Variants in RBM20 observed in about 807,000 individuals in gnomAD.
The protein encoded by RBM20 is RNA-binding protein 20.
Under a neutral mutation model 110.1 loss-of-function variants are expected in RBM20, and 51 were observed. That is an observed-to-expected ratio of 0.46 (90% CI 0.37 to 0.59). RBM20 has a LOEUF of 0.59. RBM20 is among the 20% of genes least tolerant of loss of function. RBM20 has a pLI of 0.00. For synonymous variants in RBM20, 589 were observed against 618.2 expected (o/e 0.95, Z 0.70); for missense variants, 1,512 against 1,574.9 (o/e 0.96, Z 0.68).
chr10:110,663,729 C>A (rs1420969902), intron 1 of RBM20, among the ~76,000 whole-genome samples: 2 of 152,202 alleles, frequency 1.3e-5, no homozygotes, highest in African/African-American at 4.8e-5. Context: ...GGTTTAACCA[C>A]ACAATTATTT....
intron 1 of RBM20, among the ~76,000 whole-genome samples, chr10:110,762,714 C>G (rs1844022570): frequency 6.6e-6 from 1 of 152,222 alleles, no homozygotes; most frequent in South Asian, 2.1e-4. Flanking sequence ...TGGCAGGTTT[C>G]AGGTGTTTGT....
At position 110,803,812 on chromosome 10, in the gene RBM20, CAAAAAAAAAAAA is replaced by C. The variant is rs58202648; in HGVS notation, c.1800+3910_1800+3921del. On this transcript the variant is annotated intron_variant, in intron 7 of 13. Transcript: ENST00000369519. ...TCTCCATTAAGCCTGTTGGCTTAAG[CAAAAAAAAAAAA>C]AAAAAAAAAAAAAAAGAATTTATGG... Among the ~76,000 whole-genome samples the C allele has an allele frequency of 5.2e-4, 30 of 57,190 alleles. 1 individual carries two copies. The highest frequency in any genetic ancestry group is 8.5e-4 in the Non-Finnish European group (29 of 34,224). 37.5% of individuals were successfully genotyped at this position (57,190 alleles called of 152,430 possible).
intron 1 of RBM20, among the ~76,000 whole-genome samples, chr10:110,765,187 G>A (rs1844063488): frequency 6.6e-6 from 1 of 152,148 alleles, no homozygotes; most frequent in Admixed American, 6.5e-5. Flanking sequence ...CCAGATCTGG[G>A]AGAATGGAAG....
At position 110,830,254 on chromosome 10, in the gene RBM20, T is replaced by A. The variant is rs533617400; in HGVS notation, c.3452-807T>A. 1.9e-3 allele frequency among the ~76,000 whole-genome samples: 296 copies of A among 152,276 alleles called. 1 individual carries two copies. The highest frequency in any genetic ancestry group is 2.4e-3 in the Non-Finnish European group (161 of 68,024). On this transcript the variant is annotated intron_variant, in intron 12 of 13. Coordinates refer to ENST00000369519, the MANE Select transcript of RBM20 (RefSeq NM_001134363.3). ...TTCGTGGAGGCTGGAGCAGCCACCA[T>A]CCCTTCAAGGATGACTCCCCTGGCT...
chr10:110,725,015 G>C (rs1490714702), intron 1 of RBM20, among the ~76,000 whole-genome samples: 2 of 152,162 alleles, frequency 1.3e-5, no homozygotes, highest in African/African-American at 4.8e-5. Flanking sequence ...AAAGTGGACT[G>C]TGATAAACAC....
chr10:110,775,748 C>T (rs1315350499), intron 1 of RBM20, among the ~76,000 whole-genome samples: 1 of 152,146 alleles, frequency 6.6e-6, no homozygotes, highest in Non-Finnish European at 1.5e-5. Context: ...CAATGTGGGC[C>T]ACAGACAGGA....
intron 9 of RBM20, among the ~76,000 whole-genome samples, chr10:110,815,362 A>C (rs1291533033): frequency 6.6e-6 from 1 of 152,230 alleles, no homozygotes; most frequent in East Asian, 1.9e-4. Flanking sequence ...GATTTTTCCT[A>C]ACTGGCATAG....
In RBM20 at chr10:110,644,535, T is replaced by C. The variant is rs935726209; in HGVS notation, c.81T>C (p.Pro27=). 8.5e-6 allele frequency: 13 copies of C among 1,528,750 alleles called. No individual in the cohort carries two copies. The highest frequency in any genetic ancestry group is 1.1e-5 in the Non-Finnish European group (12 of 1,141,084). The allele number at this position is 1,528,750 out of a possible 1,614,324, so 94.7% of individuals were successfully genotyped here. Residue 27 remains proline, a synonymous_variant, in exon 1 of 14, where the codon CCT becomes CCC. Coordinates refer to ENST00000369519, the MANE Select transcript of RBM20 (RefSeq NM_001134363.3). The surrounding 1 kb of genome is among the most constrained non-coding windows in gnomAD (Gnocchi z 4.3). ...EQPDRVACSV[P]GARASPAPSG... The stretch of plus-strand genomic sequence containing the variant: ...CGGACAGAGTTGCCTGCAGTGTGCC[T>C]GGTGCCCGGGCGTCCCCGGCACCCT...
chr10:110,740,368 C>T (rs1330163698), intron 1 of RBM20, among the ~76,000 whole-genome samples: 3 of 152,096 alleles, frequency 2.0e-5, no homozygotes, highest in African/African-American at 7.2e-5. Context: ...ATCAGCCAAA[C>T]CTTAATGCAT....
In RBM20 at chr10:110,812,907, G is replaced by A; in HGVS notation, c.2510G>A (p.Gly837Glu). Residue 837 changes from glycine to glutamate, a missense_variant, in exon 9 of 14, where the codon GGA becomes GAA. Gly to Glu is a moderately conservative substitution (Grantham distance 98). Around this residue, in one of 3 missense-constraint regions of RBM20, gnomAD observed 1,149 missense variants for 1,169.4 expected, o/e 0.98. Transcript: ENST00000369519. ...AAGAGAACTGATAGAGACCAAGAAG[G>A]AGCTGATGATAGAAAAGAAAACACA... Reference protein sequence around the residue: ...KTKRTDRDQEGADDRKENTMA... With the variant: ...KTKRTDRDQEEADDRKENTMA... The A allele has an allele frequency of 6.9e-7, 1 of 1,455,294 alleles. No individual in the cohort carries two copies. Among genetic ancestry groups the A allele is most frequent in the Non-Finnish European group, 9.1e-7 (1 of 1,102,674 alleles). The allele number at this position is 1,455,294 out of a possible 1,614,324, so 90.1% of individuals were successfully genotyped here.
chr10:110,689,368 A>G (rs1239900632), intron 1 of RBM20, among the ~76,000 whole-genome samples: 2 of 152,334 alleles, frequency 1.3e-5, no homozygotes, highest in African/African-American at 4.8e-5. Context: ...GCAAGTAAAC[A>G]CATGCACAAA....
At chr10:110,675,361 G>T (rs751588835) in intron 1 of RBM20, among the ~76,000 whole-genome samples, 2 of 152,178 alleles carry the variant, frequency 1.3e-5, no homozygotes, top group Non-Finnish European at 2.9e-5. Flanking sequence ...TTGAGATCAT[G>T]GCCTTTACCA....
chr10:110,830,058 T>C (rs1352838732), intron 12 of RBM20, among the ~76,000 whole-genome samples: 2 of 152,232 alleles, frequency 1.3e-5, no homozygotes, highest in Admixed American at 1.3e-4. Context: ...AGGGCATGTG[T>C]TCCTACCTCC....
At chr10:110,741,557 A>G (rs1297594943) in intron 1 of RBM20, among the ~76,000 whole-genome samples, 1 of 151,804 alleles carries the variant, frequency 6.6e-6, no homozygotes, top group Non-Finnish European at 1.5e-5. Context: ...CCCCATGTCC[A>G]CTCACCAAGT....
chr10:110,738,367 G>T (rs994611701), intron 1 of RBM20, among the ~76,000 whole-genome samples: 1 of 152,290 alleles, frequency 6.6e-6, no homozygotes. Context: ...GGGTCTGGGG[G>T]GAGCATGGCC....
At chr10:110,736,347 A>G (rs1028369327) in intron 1 of RBM20, among the ~76,000 whole-genome samples, 1 of 151,686 alleles carries the variant, frequency 6.6e-6, no homozygotes, top group African/African-American at 2.4e-5. Context: ...TTCCCTTCTT[A>G]GTCACACACT....
At chr10:110,780,479 T>C (rs1844322522) in intron 1 of RBM20, among the ~76,000 whole-genome samples, 2 of 152,248 alleles carry the variant, frequency 1.3e-5, no homozygotes. Context: ...ACATTGTGCC[T>C]ATTCTACTCT....
intron 7 of RBM20, among the ~76,000 whole-genome samples, chr10:110,808,972 T>C (rs1844728913): frequency 6.6e-6 from 1 of 152,060 alleles, no homozygotes; most frequent in Non-Finnish European, 1.5e-5. Flanking sequence ...CCCTGCACTT[T>C]GAGAGGCCAA....
At chr10:110,810,559 T>C (rs892744457) in intron 8 of RBM20, 97 bp downstream of exon 8, 67 of 831,628 alleles carry the variant, frequency 8.1e-5, no homozygotes, top group Middle Eastern at 6.4e-4. Flanking sequence ...TGCTGTGCCC[T>C]GTTCTTGCCC....
Sources: gnomAD v4.1 joint callset for allele counts (sites outside exome capture counted in the v4.1 genomes callset) on GRCh38, gnomAD v4.1.1 for gene constraint, gnomAD v4.1.1 regional missense constraint, Gnocchi (gnomAD v3.1) non-coding constraint, MANE v1.5 for transcripts, NCBI Gene and HGNC (gene_info 2026-07-23, HGNC 2026-07-21) for gene names.